SSX3: variants seen among roughly 807,000 people sequenced by gnomAD.
SSX3 encodes protein SSX3.
In SSX3, 6 loss-of-function variants were observed where a neutral mutation model predicts 14.8. That is an observed-to-expected ratio of 0.41 (90% CI 0.22 to 0.80). The LOEUF (loss-of-function observed/expected upper bound fraction) is 0.80. SSX3 is among the 30% of genes least tolerant of loss of function. SSX3 has a pLI of 0.34. For missense variants in SSX3, 163 were observed against 152.2 expected (o/e 1.07, Z -0.37); for synonymous variants, 55 against 52.9 (o/e 1.04, Z -0.18).
At chrX:48,350,346 C>A (rs1469179397) in intron 5 of SSX3, among the ~76,000 whole-genome samples, 1 of 110,939 alleles carries the variant, frequency 9.0e-6, no homozygotes, top group East Asian at 2.8e-4. Flanking sequence ...TCTTCCCACT[C>A]TTTTAGGACT....
chrX:48,355,206 G>C lies in SSX3; in HGVS notation c.44C>G (p.Ala15Gly), dbSNP rs145114906. 1.8e-5 allele frequency: 22 copies of C among 1,209,664 alleles called. No homozygotes were observed. Among genetic ancestry groups the C allele is most frequent in the Non-Finnish European group, 2.5e-5 (22 of 894,944 alleles). The change falls in exon 2 of 8, where the codon GCT becomes GGT. Residue 15 changes from alanine (A) to glycine (G), a missense_variant. By Grantham distance (60) the Ala-to-Gly change is moderately conservative. Transcript: ENST00000298396. ...DTFARRPTVG[A>G]QIPEKIQKAF... is the part of the protein sequence containing the mutation. ...CTTTTGTATCTTCTCTGGTATTTGAGCACCAACCGTGGGTCTCCTTGCAAA... is the reference window on the plus strand; with the variant it reads ...CTTTTGTATCTTCTCTGGTATTTGACCACCAACCGTGGGTCTCCTTGCAAA...
At chrX:48,347,938 T>C (rs2061245764) in intron 6 of SSX3, among the ~76,000 whole-genome samples, 1 of 112,918 alleles carries the variant, frequency 8.9e-6, no homozygotes, top group Admixed American at 9.4e-5. Flanking sequence ...CACTTCATGT[T>C]CATACTGCTT....
rs1171639632 is a variant in SSX3, at chrX:48,349,436, A to G, written c.466+551T>C. The G allele has an allele frequency of 4.7e-5, 44 of 933,950 alleles. 2 individuals carry two copies. In the Admixed American group the frequency reaches 9.9e-4, roughly 21 times the overall value. 77.0% of individuals were successfully genotyped at this position (933,950 alleles called of 1,213,427 possible). A position where few individuals can be genotyped will look rare whatever the true frequency, so the allele number is the denominator to read the frequency against. On this transcript the variant is annotated intron_variant, in intron 6 of 7. Transcript: ENST00000298396. ...ATGAATTATTTTAAAATTAAGGTATATACATTTTTAGACATAATGCTATTG... is the reference window on the plus strand; with the variant it reads ...ATGAATTATTTTAAAATTAAGGTATGTACATTTTTAGACATAATGCTATTG...
At chrX:48,349,636 A>G (rs1556949189) in intron 6 of SSX3, 1 of 1,200,032 alleles carries the variant, frequency 8.3e-7, no homozygotes, top group Non-Finnish European at 1.1e-6. Flanking sequence ...ATCCCAGGTT[A>G]TCACAGATAG....
At chrX:48,352,017 T>C (rs2061265214) in intron 5 of SSX3, 83 bp downstream of exon 5, 4 of 1,112,327 alleles carry the variant, frequency 3.6e-6, no homozygotes, top group East Asian at 3.0e-5. Flanking sequence ...GAGGGCATTG[T>C]TGATATTCTC....
intron 6 of SSX3, 127 bp from the exon 7 acceptor site, chrX:48,347,731 A>G (rs1291835340): frequency 9.0e-7 from 1 of 1,116,445 alleles, no homozygotes; most frequent in African/African-American, 1.8e-5. Context: ...CCAGTTTTTC[A>G]CATTCTCTGG....
rs1158716958 is a variant in SSX3, at chrX:48,346,919, G to A, written c.*121C>T. The A allele has an allele frequency of 8.7e-6, 10 of 1,147,422 alleles. No individual in the cohort carries two copies. Among genetic ancestry groups the A allele is most frequent in the African/African-American group, 1.8e-5 (1 of 55,513 alleles). The allele number at this position is 1,147,422 out of a possible 1,213,427, so 94.6% of individuals were successfully genotyped here. ...ATGACGCTCAACTTTTCACTGTTGT[G>A]AACACTTGCTTTCACTTGCTATGCA... On this transcript the variant is annotated 3_prime_UTR_variant, in exon 8 of 8. Transcript: ENST00000298396.
intron 6 of SSX3, among the ~76,000 whole-genome samples, chrX:48,349,032 A>G (rs781961585): frequency 7.1e-5 from 8 of 112,601 alleles, no homozygotes; most frequent in Non-Finnish European, 1.1e-4. Context: ...CGGAAGATCT[A>G]GCTAAGATCA....
In SSX3 at chrX:48,349,885, C is replaced by T. The variant is rs1325938195; in HGVS notation, c.466+102G>A. ...AGCTGGGCAAGCTCCTCAGCCCAGC[C>T]TGGACCCAGGGTTATCTGGGATCCA... On this transcript the variant is annotated intron_variant, in intron 6 of 7. Transcript: ENST00000298396. 138 of 1,179,894 alleles carry T rather than the reference C, an allele frequency of 1.2e-4. 1 individual carries two copies. In the African/African-American group the frequency reaches 1.9e-3, roughly 16 times the overall value.
intron 2 of SSX3, 124 bp from the exon 3 acceptor site, chrX:48,354,870 G>C (rs1283570385): frequency 3.4e-6 from 4 of 1,190,140 alleles, no homozygotes; most frequent in Non-Finnish European, 3.4e-6. Context: ...TTGATGCCAC[G>C]GCTAACTGAC....
At chrX:48,347,804 C>T (rs1388676610) in intron 6 of SSX3, among the ~76,000 whole-genome samples, 200 bp from the exon 7 acceptor site, 1 of 112,342 alleles carries the variant, frequency 8.9e-6, no homozygotes, top group Non-Finnish European at 1.9e-5. Flanking sequence ...AAAGTTTTAG[C>T]TTCTGGCTCC....
chrX:48,349,062 G>A (rs782548279), intron 6 of SSX3, among the ~76,000 whole-genome samples: 215 of 112,524 alleles, frequency 1.9e-3, no homozygotes, highest in Non-Finnish European at 3.8e-3. Context: ...GTGGCTACAC[G>A]AAACAACAGA....
chrX:48,347,224 C>T (rs141394261), intron 7 of SSX3, among the ~76,000 whole-genome samples, 189 bp from the exon 8 acceptor site: 1,280 of 112,422 alleles, frequency 0.011, 17 homozygotes, highest in African/African-American at 0.039. Context: ...CTCGCCTGGG[C>T]TATCAATTCC....
intron 4 of SSX3, among the ~76,000 whole-genome samples, chrX:48,353,086 C>A (rs1470033346): frequency 4.3e-4 from 48 of 110,971 alleles, no homozygotes; most frequent in African/African-American, 1.5e-3. Context: ...AATGAAACAA[C>A]CTCTGGAAGT....
chrX:48,355,820 G>C (rs2061284882), intron 1 of SSX3, among the ~76,000 whole-genome samples: 1 of 111,731 alleles, frequency 9.0e-6, no homozygotes, highest in Non-Finnish European at 1.9e-5. Flanking sequence ...AGAACGAAGA[G>C]AGCTAGAATT....
rs782348617 is a variant in SSX3, at chrX:48,346,898, C to T, written c.*142G>A. The T allele has an allele frequency of 5.0e-5, 53 of 1,056,152 alleles. No individual in the cohort carries two copies. The highest frequency in any genetic ancestry group is 4.5e-4 in the African/African-American group (24 of 53,768). 87.0% of individuals were successfully genotyped at this position (1,056,152 alleles called of 1,213,427 possible). A position where few individuals can be genotyped will look rare whatever the true frequency, so the allele number is the denominator to read the frequency against. Reference sequence around the variant, plus strand: ...ACTCTTGGCACACTAAGAAAAATGACGCTCAACTTTTCACTGTTGTGAACA... The same window carrying T: ...ACTCTTGGCACACTAAGAAAAATGATGCTCAACTTTTCACTGTTGTGAACA... On this transcript the variant is annotated 3_prime_UTR_variant, in exon 8 of 8. Coordinates refer to ENST00000298396, the MANE Select transcript of SSX3 (RefSeq NM_021014.4).
At position 48,350,218 on chromosome X, in the gene SSX3, A is replaced by G. The variant is rs146042680; in HGVS notation, c.331-96T>C. 8.9e-3 allele frequency: 10,019 copies of G among 1,129,938 alleles called. 611 individuals carry two copies. The African/African-American group carries it at 0.16, about 19-fold the overall frequency. The allele number at this position is 1,129,938 out of a possible 1,213,427, so 93.1% of individuals were successfully genotyped here. ...GTCTTCACATGCATTAGCTTATTCA[A>G]TGTTCTCAACAACACTGGGAGAGTT... On this transcript the variant is annotated intron_variant, in intron 5 of 7. Coordinates refer to ENST00000298396, the MANE Select transcript of SSX3 (RefSeq NM_021014.4).
intron 2 of SSX3, 188 bp downstream of exon 2, chrX:48,354,993 C>T: frequency 1.3e-6 from 1 of 754,286 alleles, no homozygotes; most frequent in Non-Finnish European, 1.6e-6. Flanking sequence ...AAATGTAGTG[C>T]AAGGTCACAG....
Position 48,348,356 on chromosome X carries a change from A to G in SSX3, c.467-752T>C, listed in dbSNP as rs2061247318. ...CCAGGAACTGCACCCATAGAATATG[A>G]CAAACTTAATCGATTAATGTTTTGT... On this transcript the variant is annotated intron_variant, in intron 6 of 7. Coordinates refer to ENST00000298396, the MANE Select transcript of SSX3 (RefSeq NM_021014.4). 7.7e-6 allele frequency: 4 copies of G among 517,775 alleles called. No individual in the cohort carries two copies. The South Asian group carries it at 9.9e-5, about 13-fold the overall frequency. 42.7% of individuals were successfully genotyped at this position (517,775 alleles called of 1,213,427 possible). A position where few individuals can be genotyped will look rare whatever the true frequency, so the allele number is the denominator to read the frequency against.
Sources: gnomAD v4.1 joint callset for allele counts (sites outside exome capture counted in the v4.1 genomes callset) on GRCh38, gnomAD v4.1.1 for gene constraint, MANE v1.5 for transcripts, NCBI Gene and HGNC (gene_info 2026-07-23, HGNC 2026-07-21) for gene names.